HSD17B14: variants seen among roughly 807,000 people sequenced by gnomAD.
HSD17B14 encodes L-fucose dehydrogenase.
Under a neutral mutation model 32.2 loss-of-function variants are expected in HSD17B14, and 32 were observed. That is an observed-to-expected ratio of 0.99 (90% CI 0.75 to 1.33). The LOEUF (loss-of-function observed/expected upper bound fraction) is 1.33. Ranked by LOEUF, HSD17B14 falls within the 40% of genes most tolerant of loss-of-function variation. HSD17B14 has a pLI of 0.00. For missense variants in HSD17B14, 370 were observed against 366.5 expected (o/e 1.01, Z -0.08); for synonymous variants, 140 against 155.4 (o/e 0.90, Z 0.74).
Position 48,831,671 on chromosome 19 carries a change from G to A in HSD17B14, c.366C>T (p.Thr122=). The part of the protein sequence containing the change: ...ELNLLGTYTL[T]KLALPYLRKS... ...CGGCAGGGTCGCCAGCCCTCACCTT[G>A]GTCAAGGTGTACGTCCCCAGTAGGT... is the stretch of plus-strand genomic sequence containing the variant. The change falls in exon 5 of 9, where the codon ACC becomes ACT. Residue 122 remains threonine, a synonymous_variant. Coordinates refer to ENST00000263278, the MANE Select transcript of HSD17B14 (RefSeq NM_016246.3). 1 of 1,613,144 alleles carries A rather than the reference G, an allele frequency of 6.2e-7. No individual in the cohort carries two copies. Among genetic ancestry groups the A allele is most frequent in the Non-Finnish European group, 8.5e-7 (1 of 1,179,192 alleles).
intron 6 of HSD17B14, 71 bp from the exon 7 acceptor site, chr19:48,813,801 G>A: frequency 1.3e-6 from 2 of 1,540,900 alleles, no homozygotes; most frequent in Non-Finnish European, 1.8e-6. Context: ...ATTGTCTCCT[G>A]CCAGCCAGGG....
At chr19:48,826,104 G>A (rs2035240903) in intron 5 of HSD17B14, among the ~76,000 whole-genome samples, 1 of 152,028 alleles carries the variant, frequency 6.6e-6, no homozygotes, top group African/African-American at 2.4e-5. Flanking sequence ...ACAGGCGTGA[G>A]CCACCGTGCC....
chr19:48,836,313 A>T lies in HSD17B14; in HGVS notation c.88+11T>A. On this transcript the variant is annotated intron_variant, in intron 1 of 8. Transcript: ENST00000263278. ...ACACTCCACAGCTCCCAGCAGTCAGACCCGGCTCACCGAAGGCGCGCACGA... is the reference window on the plus strand; with the variant it reads ...ACACTCCACAGCTCCCAGCAGTCAGTCCCGGCTCACCGAAGGCGCGCACGA... The T allele has an allele frequency of 6.2e-7, 1 of 1,613,056 alleles. No individual in the cohort carries two copies. The highest frequency in any genetic ancestry group is 8.5e-7 in the Non-Finnish European group (1 of 1,179,602).
intron 5 of HSD17B14, 63 bp from the exon 6 acceptor site, chr19:48,815,204 C>T (rs1056120735): frequency 8.2e-7 from 1 of 1,218,734 alleles, no homozygotes; most frequent in Non-Finnish European, 1.2e-6. Context: ...CACTGAAACA[C>T]AGCCACAGCC....
intron 4 of HSD17B14, 84 bp from the exon 5 acceptor site, chr19:48,831,843 G>T: frequency 1.3e-6 from 1 of 773,224 alleles, no homozygotes. Flanking sequence ...ACTTTGGGAG[G>T]CTGAGGCAGG....
At chr19:48,834,010 G>A (rs749544495) in intron 3 of HSD17B14, among the ~76,000 whole-genome samples, 15 of 152,040 alleles carry the variant, frequency 9.9e-5, no homozygotes, top group Non-Finnish European at 2.1e-4. Context: ...AGTTCCAGTT[G>A]ACCCACTTTG....
chr19:48,836,482 G>C lies in HSD17B14; in HGVS notation c.-71C>G. On this transcript the variant is annotated 5_prime_UTR_variant, in exon 1 of 9. Transcript: ENST00000263278. ...ACCTCCAAAGCCCCGTGAGGCCGTC[G>C]CATCAAATCCTCAATAGAGGCTGGA... 6.7e-7 allele frequency: 1 copy of C among 1,498,216 alleles called. No individual in the cohort carries two copies. The highest frequency in any genetic ancestry group is 1.1e-5 in the South Asian group (1 of 88,662). The allele number at this position is 1,498,216 out of a possible 1,614,324, so 92.8% of individuals were successfully genotyped here.
intron 2 of HSD17B14, among the ~76,000 whole-genome samples, chr19:48,834,723 C>T (rs1173302948): frequency 2.9e-5 from 3 of 102,084 alleles, no homozygotes; most frequent in African/African-American, 1.6e-4. Context: ...AGCCTGGACT[C>T]CTGGGTCTGA....
chr19:48,816,632 G>C (rs764487734), intron 5 of HSD17B14, among the ~76,000 whole-genome samples: 3 of 152,138 alleles, frequency 2.0e-5, no homozygotes, highest in Non-Finnish European at 4.4e-5. Context: ...CACCTCCTCA[G>C]TGAGGTCTTC....
At chr19:48,826,751 T>C (rs964015429) in intron 5 of HSD17B14, among the ~76,000 whole-genome samples, 2 of 151,580 alleles carry the variant, frequency 1.3e-5, no homozygotes, top group Non-Finnish European at 2.9e-5. Context: ...GGATGCGACC[T>C]CAGAGTCAGC....
At chr19:48,815,785 G>C (rs991907814) in intron 5 of HSD17B14, among the ~76,000 whole-genome samples, 7 of 152,036 alleles carry the variant, frequency 4.6e-5, no homozygotes, top group Admixed American at 3.3e-4. Flanking sequence ...ACTTTGGGAG[G>C]CTGAGGTGGG....
Position 48,831,691 on chromosome 19 carries a change from G to A in HSD17B14, c.346C>T (p.Leu116=). 1 of 1,613,938 alleles carries A rather than the reference G, an allele frequency of 6.2e-7. No homozygotes were observed. Among genetic ancestry groups the A allele is most frequent in the African/African-American group, 1.3e-5 (1 of 75,008 alleles). The change falls in exon 5 of 9, where the codon CTG becomes TTG. Residue 116 remains leucine (L), a synonymous_variant. Coordinates refer to ENST00000263278, the MANE Select transcript of HSD17B14 (RefSeq NM_016246.3). ...ACCTTGGTCAAGGTGTACGTCCCCAGTAGGTTCAGCTCCAGCAGCTGGCGG... is the reference window on the plus strand; with the variant it reads ...ACCTTGGTCAAGGTGTACGTCCCCAATAGGTTCAGCTCCAGCAGCTGGCGG... ...GFRQLLELNL[L]GTYTLTKLAL...
intron 5 of HSD17B14, among the ~76,000 whole-genome samples, chr19:48,821,760 GGATGAT>G (rs79954085): frequency 5.3e-5 from 8 of 149,874 alleles, no homozygotes; most frequent in African/African-American, 2.0e-4. Flanking sequence ...ATGGTGATGA[GGATGAT>G]GATAAGGATG....
intron 6 of HSD17B14, 107 bp from the exon 7 acceptor site, chr19:48,813,837 C>A: frequency 1.6e-6 from 2 of 1,262,712 alleles, no homozygotes; most frequent in Non-Finnish European, 2.3e-6. Context: ...GAAGTCATGC[C>A]CTCCTTGAAG....
intron 5 of HSD17B14, among the ~76,000 whole-genome samples, chr19:48,815,945 C>T (rs187642925): frequency 2.7e-5 from 4 of 147,192 alleles, no homozygotes; most frequent in South Asian, 2.2e-4. Flanking sequence ...TACTTGAACC[C>T]GGGAGGTGGA....
chr19:48,816,154 A>G (rs2035047948), intron 5 of HSD17B14, among the ~76,000 whole-genome samples: 1 of 151,990 alleles, frequency 6.6e-6, no homozygotes, highest in Non-Finnish European at 1.5e-5. Context: ...TTGACTACAC[A>G]TGACCTTGGA....
chr19:48,833,259 A>G (rs1330404077), intron 3 of HSD17B14, among the ~76,000 whole-genome samples: 1 of 151,092 alleles, frequency 6.6e-6, no homozygotes, highest in Non-Finnish European at 1.5e-5. Context: ...CAGTCGTCAC[A>G]CCCAGGGTCA....
intron 4 of HSD17B14, among the ~76,000 whole-genome samples, chr19:48,832,064 T>G (rs1430752599): frequency 9.1e-6 from 1 of 110,392 alleles, no homozygotes; most frequent in Non-Finnish European, 1.7e-5. Context: ...GGCGACAGAG[T>G]GAGACCCCAT....
At chr19:48,826,883 AC>A (rs1451479500) in intron 5 of HSD17B14, among the ~76,000 whole-genome samples, 2 of 150,954 alleles carry the variant, frequency 1.3e-5, no homozygotes, top group African/African-American at 4.9e-5. Context: ...CCAGAGCCCC[AC>A]CTCCACGATC....
Sources: gnomAD v4.1 joint callset for allele counts (sites outside exome capture counted in the v4.1 genomes callset) on GRCh38, gnomAD v4.1.1 for gene constraint, MANE v1.5 for transcripts, NCBI Gene and HGNC (gene_info 2026-07-23, HGNC 2026-07-21) for gene names.